MDFIC2: variants seen among roughly 807,000 people sequenced by gnomAD.
MDFIC2 encodes myoD family inhibitor domain-containing protein 2.
intron 2 of MDFIC2, chr3:70,291,279 T>A (rs1242818310): frequency 6.6e-6 from 1 of 152,194 alleles, no homozygotes; most frequent in East Asian, 1.9e-4. Flanking sequence ...TTTTCTCATC[T>A]GTGAAATGGG....
Position 70,278,601 on chromosome 3 carries a change from G to A in MDFIC2, c.88+33285C>T, listed in dbSNP as rs1702050785. Reference sequence around the variant, plus strand: ...CAATATTGTTTTAATAGATTTGAATGCCTTTATTGACTACTTGCACAGAAA... The same window carrying A: ...CAATATTGTTTTAATAGATTTGAATACCTTTATTGACTACTTGCACAGAAA... On this transcript the variant is annotated intron_variant, in intron 2 of 3. Coordinates refer to ENST00000567252, the MANE Select transcript of MDFIC2 (RefSeq NM_001364677.1). Among the ~76,000 whole-genome samples, 3 of 152,126 alleles carry A rather than the reference G, an allele frequency of 2.0e-5. No individual in the cohort carries two copies. In the South Asian group the frequency reaches 6.2e-4, roughly 32 times the overall value.
At chr3:70,306,060 T>C in intron 2 of MDFIC2, among the ~76,000 whole-genome samples, 1 of 152,150 alleles carries the variant, frequency 6.6e-6, no homozygotes, top group Non-Finnish European at 1.5e-5. Flanking sequence ...ACTAAATAAG[T>C]TTAGAGGCAT....
At chr3:70,245,991 A>C (rs1328508750) in intron 2 of MDFIC2, among the ~76,000 whole-genome samples, 1 of 151,610 alleles carries the variant, frequency 6.6e-6, no homozygotes, top group Non-Finnish European at 1.5e-5. Context: ...AATTGACAAC[A>C]GCCTACATTT....
intron 2 of MDFIC2, among the ~76,000 whole-genome samples, chr3:70,307,096 T>C (rs754147579): frequency 2.7e-4 from 41 of 152,170 alleles, no homozygotes; most frequent in Non-Finnish European, 5.9e-5. Context: ...CATTTAGAGA[T>C]ACACCCTCCT....
chr3:70,290,868 G>A (rs1005644262), intron 2 of MDFIC2, among the ~76,000 whole-genome samples: 11 of 152,142 alleles, frequency 7.2e-5, no homozygotes, highest in Non-Finnish European at 1.3e-4. Context: ...AAGGGAACTC[G>A]CTGACCCCTT....
At chr3:70,262,834 A>G (rs1701879598) in intron 2 of MDFIC2, among the ~76,000 whole-genome samples, 1 of 152,136 alleles carries the variant, frequency 6.6e-6, no homozygotes, top group African/African-American at 2.4e-5. Flanking sequence ...ACTATGTTAG[A>G]TGACCTGATA....
chr3:70,267,578 ATTTTTT>A (rs377637066), intron 2 of MDFIC2, among the ~76,000 whole-genome samples: 2 of 132,774 alleles, frequency 1.5e-5, no homozygotes, highest in East Asian at 4.6e-4. Flanking sequence ...AATTTTTTGT[ATTTTTT>A]TTTTTTTTTT....
At chr3:70,250,313 T>A (rs1012514834) in intron 2 of MDFIC2, among the ~76,000 whole-genome samples, 4 of 152,110 alleles carry the variant, frequency 2.6e-5, no homozygotes, top group Non-Finnish European at 5.9e-5. Flanking sequence ...TAACTTGTAA[T>A]TTTACTATTG....
intron 2 of MDFIC2, among the ~76,000 whole-genome samples, chr3:70,240,664 A>G (rs1302193516): frequency 2.0e-5 from 3 of 152,180 alleles, no homozygotes; most frequent in East Asian, 1.9e-4. Context: ...TTATCTTTCT[A>G]TTGCTGACTA....
intron 2 of MDFIC2, among the ~76,000 whole-genome samples, chr3:70,246,518 A>G (rs1034823394): frequency 1.3e-5 from 2 of 152,146 alleles, no homozygotes; most frequent in Non-Finnish European, 2.9e-5. Flanking sequence ...CTTATCAAAC[A>G]GAAACACGAG....
intron 3 of MDFIC2, among the ~76,000 whole-genome samples, chr3:70,202,731 G>A (rs1701253266): frequency 6.6e-6 from 1 of 152,078 alleles, no homozygotes; most frequent in Non-Finnish European, 1.5e-5. Flanking sequence ...ACACCCCAGG[G>A]TACCTTTAGG....
intron 2 of MDFIC2, among the ~76,000 whole-genome samples, chr3:70,226,434 A>G (rs1022745071): frequency 6.6e-6 from 1 of 152,116 alleles, no homozygotes; most frequent in African/African-American, 2.4e-5. Flanking sequence ...TTTTCACTGG[A>G]TCTTTAAAAA....
chr3:70,274,237 A>ACTC (rs2106674815), intron 2 of MDFIC2, among the ~76,000 whole-genome samples: 1 of 151,896 alleles, frequency 6.6e-6, no homozygotes, highest in Admixed American at 6.6e-5. Flanking sequence ...ATGTTTTAAT[A>ACTC]CTCTCAGTTA....
chr3:70,194,881 C>T lies in MDFIC2; in HGVS notation c.*2045G>A, dbSNP rs992466888. ...TGTTCCTCCTTTAGTGACTAGACCA[C>T]GGGTAGAGGGGTGGGTGCTCAGAGA... is the stretch of plus-strand genomic sequence containing the variant. On this transcript the variant is annotated 3_prime_UTR_variant, in exon 4 of 4. Transcript: ENST00000567252. Among the ~76,000 whole-genome samples, 26 of 151,936 alleles carry T rather than the reference C, an allele frequency of 1.7e-4. No individual in the cohort carries two copies. Among genetic ancestry groups the T allele is most frequent in the African/African-American group, 5.6e-4 (23 of 41,364 alleles).
At chr3:70,244,063 C>T (rs1430615933) in intron 2 of MDFIC2, among the ~76,000 whole-genome samples, 2 of 152,186 alleles carry the variant, frequency 1.3e-5, no homozygotes, top group Non-Finnish European at 2.9e-5. Context: ...AGATTTTCCA[C>T]CGTAACTACT....
intron 2 of MDFIC2, chr3:70,302,499 T>TTG (rs1302650215): frequency 6.6e-6 from 1 of 152,202 alleles, no homozygotes; most frequent in African/African-American, 2.4e-5. Context: ...TGATTAAGTG[T>TTG]ATCACATCAA....
At chr3:70,297,170 A>C (rs1300727328) in intron 2 of MDFIC2, among the ~76,000 whole-genome samples, 1 of 152,106 alleles carries the variant, frequency 6.6e-6, no homozygotes, top group Non-Finnish European at 1.5e-5. Context: ...CTGCTTGTCA[A>C]ATTTACTATT....
intron 2 of MDFIC2, among the ~76,000 whole-genome samples, chr3:70,248,662 T>C (rs1701731256): frequency 1.3e-5 from 2 of 152,098 alleles, no homozygotes; most frequent in Admixed American, 6.6e-5. Flanking sequence ...CAGGAGTTAA[T>C]TAAAGCTTAA....
intron 2 of MDFIC2, among the ~76,000 whole-genome samples, chr3:70,248,534 A>G (rs1701730220): frequency 6.6e-6 from 1 of 152,050 alleles, no homozygotes; most frequent in Non-Finnish European, 1.5e-5. Context: ...AACAAAGGAG[A>G]ATTTAAAACA....
Sources: gnomAD v4.1 joint callset for allele counts (sites outside exome capture counted in the v4.1 genomes callset) on GRCh38, gnomAD v4.1.1 for gene constraint, MANE v1.5 for transcripts, NCBI Gene and HGNC (gene_info 2026-07-23, HGNC 2026-07-21) for gene names.